Variants in PRELID2 observed in about 807,000 individuals in gnomAD.
PRELID2 encodes the protein PRELI domain containing 2.
In PRELID2, 25 loss-of-function variants were observed where a neutral mutation model predicts 28.4. The observed-to-expected ratio is 0.88, with a 90% CI of 0.64 to 1.23. PRELID2 has a LOEUF of 1.23. Among genes scored for constraint, PRELID2 ranks in the 50% most tolerant of loss-of-function variants. PRELID2 has a pLI of 0.00. For synonymous variants in PRELID2, 76 were observed against 71.6 expected, an observed-to-expected ratio of 1.06 and a Z score of -0.31; for missense variants, 201 against 214.4, an observed-to-expected ratio of 0.94 and a Z score of 0.39.
intron 4 of PRELID2, 62 bp downstream of exon 4, chr5:145,817,832 G>T: frequency 7.5e-7 from 1 of 1,329,362 alleles, no homozygotes; most frequent in Non-Finnish European, 1.0e-6. Context: ...GATTTTTAAT[G>T]TATGTACTCA....
rs932787469 is a variant in PRELID2, at chr5:145,758,745, G to A, written c.*1791C>T. Among the ~76,000 whole-genome samples the A allele has an allele frequency of 1.3e-5, 2 of 152,102 alleles. No individual in the cohort carries two copies. On this transcript the variant is annotated 3_prime_UTR_variant, in exon 7 of 7. Coordinates refer to ENST00000683046, the MANE Select transcript of PRELID2 (RefSeq NM_205846.3). ...TACAAATTGGAAAAAAAAGGTCAAA[G>A]TGTGTTTTAGTTTCTACCATTATTT... is the stretch of plus-strand genomic sequence containing the variant.
chr5:145,583,711 T>TA (rs1260638515), intron 1 of PRELID2, among the ~76,000 whole-genome samples: 1 of 151,966 alleles, frequency 6.6e-6, no homozygotes, highest in Non-Finnish European at 1.5e-5. Context: ...AAGAGTAAGA[T>TA]ACCTATGAAT....
At chr5:145,638,344 A>T (rs146940911) in intron 1 of PRELID2, among the ~76,000 whole-genome samples, 3 of 152,332 alleles carry the variant, frequency 2.0e-5, no homozygotes, top group African/African-American at 7.2e-5. Context: ...CTACTACAGC[A>T]TACTCAAAGC....
intron 1 of PRELID2, among the ~76,000 whole-genome samples, chr5:145,705,123 T>A (rs1008609008): frequency 2.0e-5 from 3 of 151,990 alleles, no homozygotes; most frequent in Non-Finnish European, 4.4e-5. Context: ...TTAAATAAAA[T>A]AACGATGCTT....
At chr5:145,444,040 C>T in the PRELID2 span, among the ~76,000 whole-genome samples, 1 of 152,006 alleles carries the variant, frequency 6.6e-6, no homozygotes, top group Non-Finnish European at 1.5e-5. Context: ...ACTAAAGCAA[C>T]ATCTTACTGA....
In PRELID2 at chr5:145,702,980, T is replaced by C. The variant is rs572528350; in HGVS notation, n.70+61951A>G. Among the ~76,000 whole-genome samples the C allele has an allele frequency of 3.9e-5, 6 of 152,122 alleles. No homozygotes were observed. The South Asian group carries it at 1.0e-3, about 26-fold the overall frequency. On this transcript the variant is annotated intron_variant and non_coding_transcript_variant, in intron 1 of 2. Coordinates refer to the PRELID2 transcript ENST00000510259. ...TTCTATTAAAACACAGCAAATACTATCAAATAAAGCAATTACTCAACTCTC... is the reference window on the plus strand; with the variant it reads ...TTCTATTAAAACACAGCAAATACTACCAAATAAAGCAATTACTCAACTCTC...
At chr5:145,450,357 T>C in the PRELID2 span, among the ~76,000 whole-genome samples, 2 of 152,148 alleles carry the variant, frequency 1.3e-5, no homozygotes, top group Non-Finnish European at 2.9e-5. Context: ...CAATTTTTGA[T>C]AACATCTTGG....
At chr5:145,245,583 A>G in the PRELID2 span, among the ~76,000 whole-genome samples, 2 of 152,136 alleles carry the variant, frequency 1.3e-5, no homozygotes, top group African/African-American at 4.8e-5. Context: ...AGTGAGAAAA[A>G]GAATGAATGA....
chr5:145,565,627 C>T (rs1288200244), intron 1 of PRELID2, among the ~76,000 whole-genome samples: 1 of 152,186 alleles, frequency 6.6e-6, no homozygotes, highest in African/African-American at 2.4e-5. Context: ...TTTTGGTTTG[C>T]AGACAAAAAT....
chr5:145,304,447 T>C, the PRELID2 span, among the ~76,000 whole-genome samples: 7 of 152,308 alleles, frequency 4.6e-5, no homozygotes, highest in East Asian at 1.3e-3. Flanking sequence ...ACATATTGTT[T>C]GTATCATGAC....
At chr5:145,679,687 G>A (rs940093641) in intron 1 of PRELID2, among the ~76,000 whole-genome samples, 2 of 151,922 alleles carry the variant, frequency 1.3e-5, no homozygotes, top group African/African-American at 4.8e-5. Flanking sequence ...GTTGATGAAA[G>A]AAATATGACA....
intron 5 of PRELID2, among the ~76,000 whole-genome samples, chr5:145,789,099 A>G (rs1752199084): frequency 6.6e-6 from 1 of 152,194 alleles, no homozygotes; most frequent in Admixed American, 6.6e-5. Context: ...ATTCAATGCA[A>G]TCTCTATCAA....
chr5:145,448,069 C>G, the PRELID2 span, among the ~76,000 whole-genome samples: 2 of 152,082 alleles, frequency 1.3e-5, no homozygotes, highest in African/African-American at 4.8e-5. Context: ...AATGGTTGAA[C>G]TAGTTTACAG....
chr5:145,418,264 C>A, the PRELID2 span, among the ~76,000 whole-genome samples: 2 of 152,148 alleles, frequency 1.3e-5, no homozygotes, highest in Non-Finnish European at 2.9e-5. Flanking sequence ...GAAGAACCAA[C>A]CATCCTCATG....
intron 1 of PRELID2, among the ~76,000 whole-genome samples, chr5:145,624,637 G>A (rs142398853): frequency 9.2e-5 from 14 of 152,076 alleles, no homozygotes; most frequent in Admixed American, 9.2e-4. Flanking sequence ...AAACTGTAAA[G>A]CTTTTATAAG....
At chr5:145,408,605 T>A in the PRELID2 span, among the ~76,000 whole-genome samples, 4 of 151,180 alleles carry the variant, frequency 2.6e-5, no homozygotes, top group Non-Finnish European at 4.4e-5. Flanking sequence ...ATAGATCAAG[T>A]GGAAGAAAGA....
At chr5:145,264,451 G>A in the PRELID2 span, among the ~76,000 whole-genome samples, 1 of 152,024 alleles carries the variant, frequency 6.6e-6, no homozygotes, top group Non-Finnish European at 1.5e-5. Context: ...ATCCCTTTAT[G>A]ACTCAAACCC....
At chr5:145,724,596 AATAAAT>A (rs1339398444) in intron 1 of PRELID2, among the ~76,000 whole-genome samples, 8 of 28,360 alleles carry the variant, frequency 2.8e-4, no homozygotes, top group South Asian at 1.4e-3. Context: ...ACAAGAAGTA[AATAAAT>A]ATATATATAT....
At chr5:145,393,300 G>A in the PRELID2 span, among the ~76,000 whole-genome samples, 2 of 152,096 alleles carry the variant, frequency 1.3e-5, no homozygotes, top group South Asian at 4.1e-4. Context: ...TGCTCTTCAG[G>A]GGAAATATAA....
Sources: allele counts gnomAD v4.1 joint callset (sites outside exome capture counted in the v4.1 genomes callset), GRCh38; gene constraint gnomAD v4.1.1; transcripts MANE v1.5; gene names NCBI Gene and HGNC (gene_info 2026-07-23, HGNC 2026-07-21).